Variants in B4GALNT2 observed in about 807,000 individuals in gnomAD.
B4GALNT2 encodes the protein N-acetylneuraminylgalactosylglucosyl-glucoside beta-1,4-N- acetylgalactosaminyltransferase 2.
A neutral mutation model predicts 51.1 loss-of-function variants in B4GALNT2; 42 were observed. That is an observed-to-expected ratio of 0.82 (90% CI 0.64 to 1.06). The LOEUF (loss-of-function observed/expected upper bound fraction) is 1.06. Ranked by LOEUF, B4GALNT2 falls within the 50% of genes least tolerant of loss-of-function variation. The pLI, the probability that B4GALNT2 is intolerant of heterozygous loss-of-function variation, is 0.00. For missense variants in B4GALNT2, 602 were observed against 633.6 expected (o/e 0.95, Z 0.54); for synonymous variants, 253 against 251.7 (o/e 1.01, Z -0.05).
rs555940956 is a variant in B4GALNT2 at position 49,172,747 on chromosome 17, C to G, written c.*3019C>G. ...TAATAGAAGCTGGAATGCCCATCACCGCAAAACACTGCAAAAGGTGACGTT... is the reference window on the plus strand; with the variant it reads ...TAATAGAAGCTGGAATGCCCATCACGGCAAAACACTGCAAAAGGTGACGTT... On this transcript the variant is annotated 3_prime_UTR_variant, in exon 11 of 11. Coordinates refer to ENST00000393354, the MANE Select transcript of B4GALNT2 (RefSeq NM_001159387.2). 6.6e-6 allele frequency: 1 copy of G among 152,024 alleles called. No homozygotes were observed. Among genetic ancestry groups the G allele is most frequent in the African/African-American group, 2.4e-5 (1 of 41,356 alleles). 9.4% of individuals were successfully genotyped at this position (152,024 alleles called of 1,614,324 possible).
the B4GALNT2 span, among the ~76,000 whole-genome samples, chr17:49,126,309 G>C: frequency 6.6e-6 from 1 of 152,008 alleles, no homozygotes; most frequent in Non-Finnish European, 1.5e-5. Flanking sequence ...CAGCATGCTC[G>C]TTAAGAGTCA....
chr17:49,174,810 C>T lies in B4GALNT2; in HGVS notation c.*5082C>T, dbSNP rs975642028. The T allele has an allele frequency of 6.6e-6, 1 of 152,156 alleles. No homozygotes were observed. The highest frequency in any genetic ancestry group is 2.4e-5 in the African/African-American group (1 of 41,422). The allele number at this position is 152,156 out of a possible 1,614,324, so 9.4% of individuals were successfully genotyped here. A position where few individuals can be genotyped will look rare whatever the true frequency, so the allele number is the denominator to read the frequency against. ...CTGCCATCAAAAATGATATCCTAAA[C>T]CTTGGCAGGAACTTTGTCTTTCCGC... On this transcript the variant is annotated 3_prime_UTR_variant, in exon 11 of 11. Coordinates refer to ENST00000393354, the MANE Select transcript of B4GALNT2 (RefSeq NM_001159387.2).
At position 49,174,360 on chromosome 17, in the gene B4GALNT2, A is replaced by G. The variant is rs1343618985; in HGVS notation, c.*4632A>G. The G allele has an allele frequency of 5.3e-5, 8 of 152,264 alleles. No individual in the cohort carries two copies. The allele number at this position is 152,264 out of a possible 1,614,324, so 9.4% of individuals were successfully genotyped here. On this transcript the variant is annotated 3_prime_UTR_variant, in exon 11 of 11. Coordinates refer to ENST00000393354, the MANE Select transcript of B4GALNT2 (RefSeq NM_001159387.2). Reference sequence around the variant, plus strand: ...AACATGCCTTGTGGCAACAGTTTCCAGTGAAAATGCTTAGCAGGCTGCAGG... The same window carrying G: ...AACATGCCTTGTGGCAACAGTTTCCGGTGAAAATGCTTAGCAGGCTGCAGG...
In B4GALNT2 at chr17:49,170,149, T is replaced by C. The variant is rs147769088; in HGVS notation, c.*421T>C. The C allele has an allele frequency of 1.4e-3, 218 of 158,608 alleles. 2 individuals are homozygous for C. The East Asian group carries it at 0.038, about 28-fold the overall frequency. The allele number at this position is 158,608 out of a possible 1,614,324, so 9.8% of individuals were successfully genotyped here. A position where few individuals can be genotyped will look rare whatever the true frequency, so the allele number is the denominator to read the frequency against. ...CAGCATCACTGTCATCCCTATATTT[T>C]TATTAGGTTCTATCTTGTAGACTCA... On this transcript the variant is annotated 3_prime_UTR_variant, in exon 11 of 11. Coordinates refer to ENST00000393354, the MANE Select transcript of B4GALNT2 (RefSeq NM_001159387.2).
At chr17:49,126,201 C>A in the B4GALNT2 span, among the ~76,000 whole-genome samples, 1 of 152,118 alleles carries the variant, frequency 6.6e-6, no homozygotes, top group African/African-American at 2.4e-5. Flanking sequence ...TGACCTTACC[C>A]CCAACCCTGT....
chr17:49,169,802 C>A lies in B4GALNT2; in HGVS notation c.*74C>A. On this transcript the variant is annotated 3_prime_UTR_variant, in exon 11 of 11. Transcript: ENST00000393354. ...ATAGCAGGCCACCAAAAACTGGACT[C>A]CTGATAGGTGAACGTTGTACCAAAC... The A allele has an allele frequency of 7.3e-7, 1 of 1,367,168 alleles. No individual in the cohort carries two copies. The highest frequency in any genetic ancestry group is 9.8e-7 in the Non-Finnish European group (1 of 1,021,142). 84.7% of individuals were successfully genotyped at this position (1,367,168 alleles called of 1,614,324 possible).
chr17:49,126,927 C>T, the B4GALNT2 span, among the ~76,000 whole-genome samples: 23,763 of 152,220 alleles, frequency 0.16, 2,052 homozygotes, highest in South Asian at 0.26. Context: ...TGGTCTCGAG[C>T]TCCTGACCTC....
At position 49,139,531 on chromosome 17, in the gene B4GALNT2, T is replaced by C. The variant is rs56258423; in HGVS notation, c.15-1716T>C. Reference sequence around the variant, plus strand: ...GTGAGACACCATGCCCAGCCTATTATGTTTTTAGAGATGGGGTCTCAGTTG... The same window carrying C: ...GTGAGACACCATGCCCAGCCTATTACGTTTTTAGAGATGGGGTCTCAGTTG... On this transcript the variant is annotated intron_variant, in intron 1 of 10. Transcript: ENST00000393354. Among the ~76,000 whole-genome samples the C allele has an allele frequency of 8.7e-3, 1,330 of 152,238 alleles. 24 individuals are homozygous for C. The highest frequency in any genetic ancestry group is 0.03 in the African/African-American group (1,252 of 41,558).
upstream of B4GALNT2, among the ~76,000 whole-genome samples, chr17:49,130,250 T>G (rs1380088606): frequency 6.6e-6 from 1 of 152,234 alleles, no homozygotes; most frequent in Non-Finnish European, 1.5e-5. Context: ...GAAAAGAGCT[T>G]TCCTACTTAA....
upstream of B4GALNT2, among the ~76,000 whole-genome samples, chr17:49,130,438 G>A (rs1215436109): frequency 6.6e-6 from 1 of 152,214 alleles, no homozygotes; most frequent in African/African-American, 2.4e-5. Context: ...AGGAGTTCAA[G>A]ACCAGCCTGA....
intron 9 of B4GALNT2, among the ~76,000 whole-genome samples, chr17:49,167,374 C>T: frequency 6.6e-6 from 1 of 152,194 alleles, no homozygotes; most frequent in Non-Finnish European, 1.5e-5. Flanking sequence ...ACCCCTTCAG[C>T]CAAAACTTTG....
At position 49,175,578 on chromosome 17, in the gene B4GALNT2, C is replaced by A. The variant is rs2042982051; in HGVS notation, c.*5850C>A. 1 of 152,186 alleles carries A rather than the reference C, an allele frequency of 6.6e-6. No individual in the cohort carries two copies. Among genetic ancestry groups the A allele is most frequent in the Admixed American group, 6.5e-5 (1 of 15,270 alleles). The allele number at this position is 152,186 out of a possible 1,614,324, so 9.4% of individuals were successfully genotyped here. On this transcript the variant is annotated 3_prime_UTR_variant, in exon 11 of 11. Transcript: ENST00000393354. ...GATTCCCCAAGCATAAGGCTCACAG[C>A]TTTTGTGCAGTATAAATCTACTGTG...
chr17:49,141,911 G>A lies in B4GALNT2; in HGVS notation c.216-124G>A, dbSNP rs141020764. ...GGGACTCCAGGGTCTCATCATCTCAGAACAGTTGGGTGTAGGAAAGAAGAT... is the reference window on the plus strand; with the variant it reads ...GGGACTCCAGGGTCTCATCATCTCAAAACAGTTGGGTGTAGGAAAGAAGAT... On this transcript the variant is annotated intron_variant, in intron 2 of 10. Transcript: ENST00000393354. The A allele has an allele frequency of 2.7e-4, 351 of 1,279,964 alleles. No individual in the cohort carries two copies. The African/African-American group carries it at 4.2e-3, about 15-fold the overall frequency. The allele number at this position is 1,279,964 out of a possible 1,614,324, so 79.3% of individuals were successfully genotyped here.
At chr17:49,140,064 T>G (rs1048718602) in intron 1 of B4GALNT2, among the ~76,000 whole-genome samples, 34 of 148,630 alleles carry the variant, frequency 2.3e-4, no homozygotes, top group Non-Finnish European at 7.4e-5. Context: ...ATAATATAAT[T>G]TATAATAACC....
chr17:49,141,115 C>T, intron 1 of B4GALNT2, 132 bp from the exon 2 acceptor site: 1 of 787,872 alleles, frequency 1.3e-6, no homozygotes, highest in Non-Finnish European at 2.1e-6. Flanking sequence ...CTCTGTTTAT[C>T]AGAAATCGAT....
chr17:49,161,242 T>A (rs1230922090), intron 7 of B4GALNT2, among the ~76,000 whole-genome samples: 1 of 144,448 alleles, frequency 6.9e-6, no homozygotes, highest in East Asian at 2.0e-4. Flanking sequence ...GCCACTGCAC[T>A]CCAGCCTGGG....
At chr17:49,164,788 C>A (rs2042896531) in intron 8 of B4GALNT2, among the ~76,000 whole-genome samples, 1 of 150,526 alleles carries the variant, frequency 6.6e-6, no homozygotes, top group Non-Finnish European at 1.5e-5. Flanking sequence ...GCCATCACAC[C>A]CAGCCTCTCA....
chr17:49,158,790 AG>A (rs1380825606), intron 5 of B4GALNT2, among the ~76,000 whole-genome samples: 26 of 152,112 alleles, frequency 1.7e-4, no homozygotes, highest in African/African-American at 6.3e-4. Context: ...GCGAGCTGAG[AG>A]ATGGGAATGT....
chr17:49,150,983 G>A (rs929356551), intron 3 of B4GALNT2, among the ~76,000 whole-genome samples: 1 of 152,034 alleles, frequency 6.6e-6, no homozygotes, highest in Non-Finnish European at 1.5e-5. Context: ...TATTCACTAT[G>A]ATGATCTAAT....
Sources: allele counts gnomAD v4.1 joint callset (sites outside exome capture counted in the v4.1 genomes callset), GRCh38; gene constraint gnomAD v4.1.1; transcripts MANE v1.5; gene names NCBI Gene and HGNC (gene_info 2026-07-23, HGNC 2026-07-21).